PRKCE: variants seen among roughly 807,000 people sequenced by gnomAD.
The protein encoded by PRKCE is protein kinase C epsilon type.
PRKCE carries 16 observed loss-of-function variants against 85.4 expected under a neutral mutation model. The observed-to-expected ratio is 0.19, with a 90% CI of 0.13 to 0.28. The LOEUF (loss-of-function observed/expected upper bound fraction) is 0.28, where lower values mean the gene tolerates loss of function less well. Ranked by LOEUF, PRKCE falls within the 10% of genes least tolerant of loss-of-function variation. The pLI is 1.00. For missense variants in PRKCE, 573 were observed against 975.2 expected, an observed-to-expected ratio of 0.59 and a Z score of 5.49; for synonymous variants, 388 against 371.5, an observed-to-expected ratio of 1.04 and a Z score of -0.51.
chr2:45,938,058 G>A (rs746016876), intron 2 of PRKCE, among the ~76,000 whole-genome samples: 3 of 152,124 alleles, frequency 2.0e-5, no homozygotes, highest in Non-Finnish European at 2.9e-5. Context: ...CTTCCCCTTC[G>A]GCCTCTTCTT....
At chr2:46,056,241 C>T (rs986827072) in intron 10 of PRKCE, among the ~76,000 whole-genome samples, 1 of 144,044 alleles carries the variant, frequency 6.9e-6, no homozygotes, top group African/African-American at 2.5e-5. Context: ...GTTCTTGAAC[C>T]TTTTTTTTTT....
chr2:46,026,584 G>A (rs569104178), intron 10 of PRKCE, among the ~76,000 whole-genome samples: 1 of 152,276 alleles, frequency 6.6e-6, no homozygotes, highest in African/African-American at 2.4e-5. Context: ...TCCTAAATGT[G>A]GTTGACAACC....
intron 1 of PRKCE, among the ~76,000 whole-genome samples, chr2:45,679,452 G>A (rs760131039): frequency 2.0e-5 from 3 of 152,128 alleles, no homozygotes; most frequent in African/African-American, 4.8e-5. Flanking sequence ...TCTGCCCTCA[G>A]TTTGCAATCT....
intron 11 of PRKCE, among the ~76,000 whole-genome samples, chr2:46,107,887 C>T (rs1671883864): frequency 6.6e-6 from 1 of 151,988 alleles, no homozygotes; most frequent in Non-Finnish European, 1.5e-5. Flanking sequence ...GATCTTTTGC[C>T]CATTTTTTAA....
chr2:45,887,249 C>T (rs1011683081), intron 2 of PRKCE, among the ~76,000 whole-genome samples: 6 of 152,150 alleles, frequency 3.9e-5, no homozygotes, highest in African/African-American at 1.4e-4. Flanking sequence ...CCACAGTCAA[C>T]CGTGCAGAAG....
intron 2 of PRKCE, among the ~76,000 whole-genome samples, chr2:45,848,278 C>A (rs935076278): frequency 1.3e-5 from 2 of 151,952 alleles, no homozygotes; most frequent in Non-Finnish European, 1.5e-5. Flanking sequence ...TAAAAAGAAC[C>A]ATTCATTCAA....
chr2:45,992,718 T>G (rs1558931817), intron 6 of PRKCE, among the ~76,000 whole-genome samples: 2 of 152,240 alleles, frequency 1.3e-5, no homozygotes, highest in African/African-American at 4.8e-5. Context: ...GTTGTCTGCT[T>G]GCTTTGGAGG....
intron 2 of PRKCE, among the ~76,000 whole-genome samples, chr2:45,961,255 A>G (rs1701356861): frequency 6.6e-6 from 1 of 152,102 alleles, no homozygotes; most frequent in South Asian, 2.1e-4. Context: ...GATTTGGTTG[A>G]GCAGTGAACA....
chr2:45,861,486 A>G (rs1256220108), intron 2 of PRKCE, among the ~76,000 whole-genome samples: 1 of 152,130 alleles, frequency 6.6e-6, no homozygotes, highest in African/African-American at 2.4e-5. Flanking sequence ...TTATATATAC[A>G]TACAATAGCA....
At position 45,997,165 on chromosome 2, in the gene PRKCE, C is replaced by G. The variant is rs1344516708; in HGVS notation, c.824-4239C>G. 4.6e-5 allele frequency among the ~76,000 whole-genome samples: 7 copies of G among 152,222 alleles called. No homozygotes were observed. In the East Asian group the frequency reaches 1.4e-3, roughly 29 times the overall value. ...CATAGGATCCATAATGATGTCCTCT[C>G]ATTTCTGATATTAATAATTTGTGTC... On this transcript the variant is annotated intron_variant, in intron 6 of 14. Transcript: ENST00000306156.
chr2:45,657,694 G>T (rs1190912388), intron 1 of PRKCE, among the ~76,000 whole-genome samples: 3 of 152,286 alleles, frequency 2.0e-5, no homozygotes, highest in Non-Finnish European at 4.4e-5. Context: ...TTTCTGGTTT[G>T]TATTTCCCAA....
intron 2 of PRKCE, among the ~76,000 whole-genome samples, chr2:45,864,952 C>A (rs34559120): frequency 0.39 from 59,045 of 151,996 alleles, 11,994 homozygotes; most frequent in South Asian, 0.57. Context: ...CTGATTCTGG[C>A]GTTCTGGGGT....
chr2:45,977,320 C>A (rs183772141), intron 3 of PRKCE, among the ~76,000 whole-genome samples: 1 of 152,002 alleles, frequency 6.6e-6, no homozygotes, highest in Non-Finnish European at 1.5e-5. Flanking sequence ...TTATCTGATG[C>A]CTAGGATTTG....
At chr2:45,847,719 T>C (rs981154159) in intron 2 of PRKCE, among the ~76,000 whole-genome samples, 2 of 152,218 alleles carry the variant, frequency 1.3e-5, no homozygotes, top group African/African-American at 2.4e-5. Context: ...CACATGGCAG[T>C]GATTCCCCAC....
At chr2:45,898,408 A>C (rs1696315274) in intron 2 of PRKCE, among the ~76,000 whole-genome samples, 2 of 152,246 alleles carry the variant, frequency 1.3e-5, no homozygotes, top group South Asian at 4.1e-4. Context: ...AGAGAGCAGC[A>C]GCAAAGGGTA....
chr2:46,029,437 C>A (rs765233017), intron 10 of PRKCE, among the ~76,000 whole-genome samples: 1 of 152,064 alleles, frequency 6.6e-6, no homozygotes, highest in African/African-American at 2.4e-5. Context: ...CATGTGACAC[C>A]GGGGTGAACA....
intron 1 of PRKCE, among the ~76,000 whole-genome samples, chr2:45,744,557 C>T (rs868234620): frequency 2.1e-4 from 19 of 90,754 alleles, no homozygotes; most frequent in African/African-American, 7.4e-4. Flanking sequence ...TTTCTTCCTT[C>T]CTTCCTTCCT....
At chr2:46,075,547 C>T (rs1668482616) in intron 10 of PRKCE, among the ~76,000 whole-genome samples, 1 of 151,810 alleles carries the variant, frequency 6.6e-6, no homozygotes, top group East Asian at 2.0e-4. Flanking sequence ...TTGAGACCAG[C>T]CTGGGCCTGG....
chr2:45,849,249 A>C (rs1034790311), intron 2 of PRKCE, among the ~76,000 whole-genome samples: 1 of 152,188 alleles, frequency 6.6e-6, no homozygotes, highest in Non-Finnish European at 1.5e-5. Context: ...GGAGTGTTCT[A>C]GGTCAAGTTT....
Sources: allele counts gnomAD v4.1 joint callset (sites outside exome capture counted in the v4.1 genomes callset), GRCh38; gene constraint gnomAD v4.1.1; transcripts MANE v1.5; gene names NCBI Gene and HGNC (gene_info 2026-07-23, HGNC 2026-07-21).